The following NPAS3 variants were observed in gnomAD, a reference collection of about 807,000 sequenced individuals.
NPAS3 encodes neuronal PAS domain-containing protein 3.
NPAS3 carries 14 observed loss-of-function variants against 73.1 expected under a neutral mutation model. The observed-to-expected ratio is 0.19, with a 90% CI of 0.13 to 0.30. NPAS3 has a LOEUF of 0.30. Ranked by LOEUF, NPAS3 falls within the 10% of genes least tolerant of loss-of-function variation. The probability of loss-of-function intolerance (pLI) is 1.00; values close to 1 mark genes in which losing one functional copy is unlikely to be tolerated. For synonymous variants in NPAS3, 620 were observed against 541.5 expected (o/e 1.14, Z -2.01); for missense variants, 1,096 against 1,250.0 (o/e 0.88, Z 1.86).
chr14:33,737,520 G>A (rs1317684644), intron 7 of NPAS3, among the ~76,000 whole-genome samples: 1 of 152,088 alleles, frequency 6.6e-6, no homozygotes, highest in East Asian at 1.9e-4. Flanking sequence ...AAGATACCAT[G>A]AGAGTCTCCA....
At chr14:33,653,202 T>C (rs1201372485) in intron 5 of NPAS3, among the ~76,000 whole-genome samples, 2 of 152,250 alleles carry the variant, frequency 1.3e-5, no homozygotes, top group African/African-American at 2.4e-5. Context: ...AGTAGGTCCC[T>C]GGACCTTGCC....
At chr14:33,562,917 A>ACACACACACACACACACACC (rs796283021) in intron 5 of NPAS3, among the ~76,000 whole-genome samples, 2 of 151,762 alleles carry the variant, frequency 1.3e-5, no homozygotes, top group African/African-American at 4.8e-5. Context: ...ACACACACAC[A>ACACACACACACACACACACC]CCCTTAATCA....
chr14:33,705,340 CT>C (rs1225026834), intron 6 of NPAS3, among the ~76,000 whole-genome samples: 2 of 152,134 alleles, frequency 1.3e-5, no homozygotes, highest in Admixed American at 6.5e-5. Flanking sequence ...CCTTTTCCCC[CT>C]AGAAGCATGC....
At chr14:33,015,284 G>A (rs1490989377) in intron 1 of NPAS3, among the ~76,000 whole-genome samples, 1 of 152,146 alleles carries the variant, frequency 6.6e-6, no homozygotes, top group Non-Finnish European at 1.5e-5. Context: ...TGACCTTCAT[G>A]GGTGGCTTGT....
At chr14:33,328,674 G>T (rs1260742532) in intron 3 of NPAS3, among the ~76,000 whole-genome samples, 1 of 151,540 alleles carries the variant, frequency 6.6e-6, no homozygotes, top group Non-Finnish European at 1.5e-5. Flanking sequence ...AGCCAGGATG[G>T]TCTCCACCTC....
At chr14:33,032,972 G>T (rs1014396837) in intron 1 of NPAS3, among the ~76,000 whole-genome samples, 4 of 152,036 alleles carry the variant, frequency 2.6e-5, no homozygotes, top group African/African-American at 7.2e-5. Flanking sequence ...ATTACAATTT[G>T]TTTCATTCTT....
At chr14:33,170,734 G>A (rs913539448) in intron 2 of NPAS3, among the ~76,000 whole-genome samples, 1 of 152,178 alleles carries the variant, frequency 6.6e-6, no homozygotes, top group African/African-American at 2.4e-5. Flanking sequence ...ATCTGTTTAA[G>A]TGTGATCGTG....
chr14:33,364,059 G>A (rs1169070070), intron 3 of NPAS3, among the ~76,000 whole-genome samples: 1 of 152,098 alleles, frequency 6.6e-6, no homozygotes, highest in Non-Finnish European at 1.5e-5. Flanking sequence ...AGATGAAACT[G>A]TGACCCGTTC....
intron 2 of NPAS3, among the ~76,000 whole-genome samples, chr14:33,178,711 A>T (rs2045687556): frequency 2.0e-5 from 3 of 152,126 alleles, no homozygotes; most frequent in Non-Finnish European, 4.4e-5. Context: ...ATGCTCTAGT[A>T]GTTTTCTTAT....
At chr14:33,733,016 C>T (rs1344753038) in intron 6 of NPAS3, among the ~76,000 whole-genome samples, 2 of 152,196 alleles carry the variant, frequency 1.3e-5, no homozygotes, top group Non-Finnish European at 2.9e-5. Flanking sequence ...TTGGTAGTTC[C>T]TCCCTTACTG....
At chr14:33,445,663 A>T (rs984989942) in intron 4 of NPAS3, among the ~76,000 whole-genome samples, 3 of 152,242 alleles carry the variant, frequency 2.0e-5, no homozygotes, top group Admixed American at 2.0e-4. Flanking sequence ...TCAGACCCAG[A>T]GCTTTAAATC....
At position 33,215,509 on chromosome 14, in the gene NPAS3, C is replaced by T. The variant is rs763459910; in HGVS notation, c.385+83C>T. The stretch of plus-strand genomic sequence containing the variant: ...AAAATGTTTACCATCATCCTTTCTT[C>T]TTTTCCTGCATATCAAATCCTTTAA... On this transcript the variant is annotated intron_variant, in intron 3 of 11. Transcript: ENST00000356141. The T allele has an allele frequency of 8.2e-6, 12 of 1,458,448 alleles. No individual in the cohort carries two copies. In the African/African-American group the frequency reaches 1.7e-4, roughly 20 times the overall value. The allele number at this position is 1,458,448 out of a possible 1,614,324, so 90.3% of individuals were successfully genotyped here.
intron 1 of NPAS3, among the ~76,000 whole-genome samples, chr14:32,995,815 C>T (rs1035278893): frequency 2.0e-5 from 3 of 152,102 alleles, no homozygotes; most frequent in Non-Finnish European, 2.9e-5. Flanking sequence ...ATTGTCCAGT[C>T]GGGTATATCT....
chr14:33,113,596 A>T (rs976575840), intron 2 of NPAS3, among the ~76,000 whole-genome samples: 1 of 152,152 alleles, frequency 6.6e-6, no homozygotes, highest in African/African-American at 2.4e-5. Context: ...CTAAATATAC[A>T]ATCATGTCAT....
At chr14:32,979,825 C>G (rs980886154) in intron 1 of NPAS3, among the ~76,000 whole-genome samples, 5 of 152,140 alleles carry the variant, frequency 3.3e-5, no homozygotes, top group African/African-American at 1.2e-4. Context: ...AGTAAAACCA[C>G]TTGGCCAAAG....
chr14:33,360,355 G>A (rs941833561), intron 3 of NPAS3, among the ~76,000 whole-genome samples: 7 of 152,142 alleles, frequency 4.6e-5, no homozygotes, highest in African/African-American at 1.4e-4. Context: ...TGGTGGGGGC[G>A]GGAGGGGGCT....
At chr14:33,470,239 G>A (rs1330754378) in intron 4 of NPAS3, among the ~76,000 whole-genome samples, 1 of 152,166 alleles carries the variant, frequency 6.6e-6, no homozygotes, top group East Asian at 1.9e-4. Flanking sequence ...GTTGTGCCCA[G>A]TTTCAAGGAA....
At chr14:33,333,013 T>G (rs1483941179) in intron 3 of NPAS3, among the ~76,000 whole-genome samples, 10 of 152,096 alleles carry the variant, frequency 6.6e-5, no homozygotes, top group Non-Finnish European at 1.5e-4. Flanking sequence ...TGCAGCAAAA[T>G]GTACAGATTT....
chr14:33,308,873 A>G (rs1326940123), intron 3 of NPAS3, among the ~76,000 whole-genome samples: 2 of 152,178 alleles, frequency 1.3e-5, no homozygotes, highest in African/African-American at 4.8e-5. Context: ...AATGCTAAGG[A>G]TAGCATTCTA....
Sources: allele counts gnomAD v4.1 joint callset (sites outside exome capture counted in the v4.1 genomes callset), GRCh38; gene constraint gnomAD v4.1.1; transcripts MANE v1.5; gene names NCBI Gene and HGNC (gene_info 2026-07-23, HGNC 2026-07-21).